Variants in PIK3CA observed in about 807,000 individuals in gnomAD.
PIK3CA encodes phosphatidylinositol 4,5-bisphosphate 3-kinase catalytic subunit alpha isoform.
PIK3CA carries 27 observed loss-of-function variants against 138.2 expected under a neutral mutation model. The observed-to-expected ratio is 0.20, with a 90% CI of 0.14 to 0.27. The LOEUF (loss-of-function observed/expected upper bound fraction) is 0.27, where lower values mean the gene tolerates loss of function less well. PIK3CA is among the 10% of genes least tolerant of loss of function. The pLI is 1.00. For synonymous variants in PIK3CA, 358 were observed against 413.2 expected (o/e 0.87, Z 1.62); for missense variants, 544 against 1,277.4 (o/e 0.43, Z 8.75).
chr3:179,220,080 T>C lies in PIK3CA; in HGVS notation c.2015+28T>C. The C allele has an allele frequency of 6.8e-7, 1 of 1,476,618 alleles. No individual in the cohort carries two copies. Among genetic ancestry groups the C allele is most frequent in the Non-Finnish European group, 9.3e-7 (1 of 1,080,042 alleles). The allele number at this position is 1,476,618 out of a possible 1,614,324, so 91.5% of individuals were successfully genotyped here. A position where few individuals can be genotyped will look rare whatever the true frequency, so the allele number is the denominator to read the frequency against. On this transcript the variant is annotated intron_variant, in intron 13 of 20. Transcript: ENST00000263967. This position sits in a 1 kb window ranked among gnomAD's most constrained non-coding sequence, Gnocchi z 4.1. ...AAGTCTAATTATTTTCCCATTAAAT[T>C]CTTAAGGTACATATTACTTGCTTTC...
chr3:179,226,707 C>T (rs1052748741), intron 17 of PIK3CA, among the ~76,000 whole-genome samples: 1 of 152,094 alleles, frequency 6.6e-6, no homozygotes, highest in Non-Finnish European at 1.5e-5. Flanking sequence ...TAACACCAGA[C>T]AAGGGCTTAT....
chr3:179,167,859 C>T (rs1723458170), intron 1 of PIK3CA, among the ~76,000 whole-genome samples: 1 of 151,866 alleles, frequency 6.6e-6, no homozygotes, highest in East Asian at 1.9e-4. Context: ...TTTGTTTTCC[C>T]CTAAAGTTTC....
chr3:179,213,982 G>A (rs1411816531), intron 9 of PIK3CA, among the ~76,000 whole-genome samples: 1 of 152,150 alleles, frequency 6.6e-6, no homozygotes, highest in Non-Finnish European at 1.5e-5. Flanking sequence ...TTCCTCTGAA[G>A]CATCTTCGTC....
chr3:179,223,641 A>G (rs972909669), intron 14 of PIK3CA, among the ~76,000 whole-genome samples: 2 of 152,204 alleles, frequency 1.3e-5, no homozygotes, highest in Admixed American at 1.3e-4. Flanking sequence ...AAGTTTTCTT[A>G]AAGGGCCAGA....
intron 6 of PIK3CA, among the ~76,000 whole-genome samples, chr3:179,205,619 A>G (rs1173454032): frequency 3.3e-5 from 5 of 152,196 alleles, no homozygotes; most frequent in Non-Finnish European, 7.3e-5. Context: ...TTAATTTGTT[A>G]GTGGGAGAGG....
At chr3:179,194,690 G>A (rs565153029) in intron 1 of PIK3CA, among the ~76,000 whole-genome samples, 3 of 152,214 alleles carry the variant, frequency 2.0e-5, no homozygotes, top group Non-Finnish European at 4.4e-5. Context: ...GGAACAGGCC[G>A]CATTCTTTCA....
intron 1 of PIK3CA, among the ~76,000 whole-genome samples, chr3:179,195,004 G>A (rs1272784800): frequency 2.2e-5 from 3 of 135,212 alleles, no homozygotes; most frequent in Non-Finnish European, 3.1e-5. Context: ...CATTAAGCAG[G>A]TACTTCTCAA....
intron 1 of PIK3CA, among the ~76,000 whole-genome samples, chr3:179,176,460 C>T (rs189167028): frequency 6.6e-6 from 1 of 152,140 alleles, no homozygotes; most frequent in Non-Finnish European, 1.5e-5. Context: ...TACAGTTTTC[C>T]AGCTTCATCA....
At chr3:179,225,517 T>A (rs1379967142) in intron 16 of PIK3CA, among the ~76,000 whole-genome samples, 2 of 152,158 alleles carry the variant, frequency 1.3e-5, no homozygotes, top group Non-Finnish European at 2.9e-5. Context: ...AGAAAAATAA[T>A]TACTATAAAT....
chr3:179,174,969 A>G (rs1424886804), intron 1 of PIK3CA, among the ~76,000 whole-genome samples: 1 of 152,182 alleles, frequency 6.6e-6, no homozygotes, highest in Non-Finnish European at 1.5e-5. Context: ...TTTTCCTATA[A>G]TATCCTTCAT....
rs1725341616 is a variant in PIK3CA, at chr3:179,236,805, G to C, written c.*2441G>C. 4.7e-6 allele frequency: 1 copy of C among 213,220 alleles called. No homozygotes were observed. The highest frequency in any genetic ancestry group is 5.9e-5 in the Admixed American group (1 of 16,958). The allele number at this position is 213,220 out of a possible 1,614,324, so 13.2% of individuals were successfully genotyped here. A position where few individuals can be genotyped will look rare whatever the true frequency, so the allele number is the denominator to read the frequency against. ...AGATTGTGACCTAAGAAAGAAATGAGGCAAAGAACCAAACATTGAATTAAA... is the reference window on the plus strand; with the variant it reads ...AGATTGTGACCTAAGAAAGAAATGACGCAAAGAACCAAACATTGAATTAAA... On this transcript the variant is annotated 3_prime_UTR_variant, in exon 21 of 21. Transcript: ENST00000263967.
At chr3:179,233,630 T>C (rs191661653) in intron 20 of PIK3CA, among the ~76,000 whole-genome samples, 1 of 152,192 alleles carries the variant, frequency 6.6e-6, no homozygotes, top group Non-Finnish European at 1.5e-5. Context: ...TTTTTGGTCA[T>C]ACACTTTGAG....
chr3:179,195,017 A>C (rs1724230103), intron 1 of PIK3CA, among the ~76,000 whole-genome samples: 1 of 151,850 alleles, frequency 6.6e-6, no homozygotes, highest in African/African-American at 2.4e-5. Flanking sequence ...CTTCTCAAAA[A>C]AAAAAAAAAA....
At chr3:179,180,203 T>C (rs1430702464) in intron 1 of PIK3CA, among the ~76,000 whole-genome samples, 3 of 152,088 alleles carry the variant, frequency 2.0e-5, no homozygotes, top group South Asian at 4.1e-4. Context: ...TGGGGAGAAA[T>C]TGGATACTTT....
intron 1 of PIK3CA, among the ~76,000 whole-genome samples, chr3:179,182,262 G>C (rs1221362448): frequency 6.6e-6 from 1 of 152,164 alleles, no homozygotes; most frequent in Non-Finnish European, 1.5e-5. Flanking sequence ...TTTGTCAGTT[G>C]ATAAGCTTTA....
rs1235157873 is a variant in PIK3CA, at chr3:179,239,291, A to C, written c.*4927A>C. ...TAATAATTTTGTGGTTATGCTAAGA[A>C]CCATGTATACTTTTAGGTATTCTTA... On this transcript the variant is annotated 3_prime_UTR_variant, in exon 21 of 21. Transcript: ENST00000263967. 9.8e-6 allele frequency: 2 copies of C among 203,332 alleles called. No homozygotes were observed. The highest frequency in any genetic ancestry group is 1.5e-4 in the East Asian group (2 of 13,324). 12.6% of individuals were successfully genotyped at this position (203,332 alleles called of 1,614,324 possible).
intron 9 of PIK3CA, among the ~76,000 whole-genome samples, chr3:179,214,464 T>C (rs1298821271): frequency 6.6e-6 from 1 of 152,108 alleles, no homozygotes; most frequent in African/African-American, 2.4e-5. Context: ...GCAACACTTA[T>C]CGAATAAGTT....
chr3:179,205,094 C>T (rs1263890870), intron 6 of PIK3CA, among the ~76,000 whole-genome samples: 3 of 146,140 alleles, frequency 2.1e-5, no homozygotes, highest in Admixed American at 1.4e-4. Context: ...TAGTCCCAGC[C>T]ATTAGGGAGG....
At position 179,199,875 on chromosome 3, in the gene PIK3CA, C is replaced by T. The variant is rs758563093; in HGVS notation, c.538C>T (p.His180Tyr). 2 of 1,603,764 alleles carry T rather than the reference C, an allele frequency of 1.2e-6. No homozygotes were observed. Among genetic ancestry groups the T allele is most frequent in the African/African-American group, 1.3e-5 (1 of 74,770 alleles). ...AGAATCTTCACCAGAATTGCCAAAGCACATATATAATAAATTAGATAAAGG... is the reference window on the plus strand; with the variant it reads ...AGAATCTTCACCAGAATTGCCAAAGTACATATATAATAAATTAGATAAAGG... ...NVESSPELPK[H>Y]IYNKLDKGQI... The change falls in exon 3 of 21, where the codon CAC becomes TAC. Residue 180 changes from histidine (H) to tyrosine (Y), a missense_variant. Transcript: ENST00000263967.
Sources: allele counts gnomAD v4.1 joint callset (sites outside exome capture counted in the v4.1 genomes callset), GRCh38; gene constraint gnomAD v4.1.1; non-coding constraint Gnocchi (gnomAD v3.1); transcripts MANE v1.5; gene names NCBI Gene and HGNC (gene_info 2026-07-23, HGNC 2026-07-21).